WDR64: variants seen among roughly 807,000 people sequenced by gnomAD.
The protein encoded by WDR64 is WD repeat-containing protein 64.
A neutral mutation model predicts 139.3 loss-of-function variants in WDR64; 112 were observed. That is an observed-to-expected ratio of 0.80 (90% CI 0.69 to 0.94). The LOEUF (loss-of-function observed/expected upper bound fraction) is 0.94, where lower values mean the gene tolerates loss of function less well. Among genes scored for constraint, WDR64 ranks in the 40% least tolerant of loss-of-function variants. The probability of loss-of-function intolerance (pLI) is 0.00; values close to 1 mark genes in which losing one functional copy is unlikely to be tolerated. For missense variants in WDR64, 1,206 were observed against 1,293.1 expected (o/e 0.93, Z 1.03); for synonymous variants, 444 against 437.7 (o/e 1.01, Z -0.18).
In WDR64 at chr1:241,772,990, T is replaced by G. The variant is rs931021946; in HGVS notation, c.2430+59T>G. 6 of 1,496,134 alleles carry G rather than the reference T, an allele frequency of 4.0e-6. No homozygotes were observed. The African/African-American group carries it at 4.2e-5, about 11-fold the overall frequency. 92.7% of individuals were successfully genotyped at this position (1,496,134 alleles called of 1,614,324 possible). On this transcript the variant is annotated intron_variant, in intron 20 of 27. Transcript: ENST00000437684. ...GAATGGGAAAGATAAAAAGAATCAT[T>G]AAATGAATCTTAGTGTTCTTCCATA... is the stretch of plus-strand genomic sequence containing the variant.
chr1:241,708,557 G>A (rs1026249392), intron 8 of WDR64, among the ~76,000 whole-genome samples: 1 of 151,996 alleles, frequency 6.6e-6, no homozygotes, highest in Non-Finnish European at 1.5e-5. Context: ...CACATGATCC[G>A]CCCGCCTTGG....
chr1:241,726,178 G>A (rs1465483976), intron 10 of WDR64, among the ~76,000 whole-genome samples: 5 of 152,072 alleles, frequency 3.3e-5, no homozygotes, highest in Non-Finnish European at 7.4e-5. Flanking sequence ...CCTGAGCCAT[G>A]GCACTGGGCC....
intron 15 of WDR64, among the ~76,000 whole-genome samples, chr1:241,759,340 C>T (rs1670336659): frequency 6.6e-6 from 1 of 152,082 alleles, no homozygotes; most frequent in African/African-American, 2.4e-5. Context: ...GTTAAGTTTG[C>T]TTCATTTTTA....
At chr1:241,663,253 G>A (rs1207942199) in intron 2 of WDR64, among the ~76,000 whole-genome samples, 2 of 152,212 alleles carry the variant, frequency 1.3e-5, no homozygotes, top group African/African-American at 2.4e-5. Context: ...TTTAATCTCA[G>A]GCTCCTTGCT....
At chr1:241,652,655 C>G in intron 1 of WDR64, 26 bp downstream of exon 1, 1 of 1,549,364 alleles carries the variant, frequency 6.5e-7, no homozygotes, top group Non-Finnish European at 8.7e-7. Context: ...ACACGATAGT[C>G]CAATTGGGTC....
At chr1:241,663,632 A>C (rs1397358911) in intron 2 of WDR64, among the ~76,000 whole-genome samples, 1 of 152,246 alleles carries the variant, frequency 6.6e-6, no homozygotes, top group Non-Finnish European at 1.5e-5. Context: ...GCTTCCACAG[A>C]AAAAACTAGA....
chr1:241,733,518 T>C (rs1448393540), intron 10 of WDR64, among the ~76,000 whole-genome samples: 2 of 147,366 alleles, frequency 1.4e-5, no homozygotes, highest in African/African-American at 5.1e-5. Context: ...ATCATCATTA[T>C]TATTTTTACT....
intron 13 of WDR64, among the ~76,000 whole-genome samples, chr1:241,747,267 A>ACT (rs1201227624): frequency 2.6e-5 from 4 of 152,200 alleles, no homozygotes; most frequent in Non-Finnish European, 4.4e-5. Flanking sequence ...ATTGTGAAGA[A>ACT]CTAAACGCAT....
chr1:241,675,924 A>G (rs1465304203), intron 4 of WDR64, among the ~76,000 whole-genome samples: 3 of 152,212 alleles, frequency 2.0e-5, no homozygotes, highest in Non-Finnish European at 4.4e-5. Context: ...AATATACCCT[A>G]CATAATATTT....
chr1:241,788,608 G>A (rs151305169), intron 24 of WDR64, among the ~76,000 whole-genome samples: 10 of 152,216 alleles, frequency 6.6e-5, no homozygotes, highest in Non-Finnish European at 1.0e-4. Flanking sequence ...AGTCCTTCAG[G>A]GAAATCCCAA....
chr1:241,709,517 G>A (rs1009284640), intron 8 of WDR64, among the ~76,000 whole-genome samples: 3 of 152,146 alleles, frequency 2.0e-5, no homozygotes, highest in African/African-American at 7.2e-5. Flanking sequence ...GGGAGGTTGA[G>A]GCAGGAGGAT....
At chr1:241,722,457 A>G (rs1209951068) in intron 9 of WDR64, among the ~76,000 whole-genome samples, 1 of 152,202 alleles carries the variant, frequency 6.6e-6, no homozygotes, top group African/African-American at 2.4e-5. Flanking sequence ...AAGGAAAAAA[A>G]GACCACAGAA....
chr1:241,738,100 T>C (rs10754735), intron 10 of WDR64, among the ~76,000 whole-genome samples: 54,085 of 152,002 alleles, frequency 0.36, 9,848 homozygotes, highest in East Asian at 0.51. Context: ...CTATGTTCCT[T>C]CCCTATAATG....
Position 241,796,270 on chromosome 1 carries a change from C to G in WDR64, c.3092C>G (p.Thr1031Ser), listed in dbSNP as rs768318075. The part of the protein sequence containing the change: ...SLPIYSISSP[T>S]SLRFLPLIGV... ...TATGGCTTCCAGATATCAAGCCCCACTAGTCTAAGATTTCTTCCACTGATT... is the reference window on the plus strand; with the variant it reads ...TATGGCTTCCAGATATCAAGCCCCAGTAGTCTAAGATTTCTTCCACTGATT... The change falls in exon 27 of 28, where the codon ACT becomes AGT. Residue 1031 changes from threonine to serine, a missense_variant. By Grantham distance (58) the Thr-to-Ser change is moderately conservative. Coordinates refer to ENST00000437684, the MANE Select transcript of WDR64 (RefSeq NM_001367482.1). 3 of 1,612,528 alleles carry G rather than the reference C, an allele frequency of 1.9e-6. No homozygotes were observed. The highest frequency in any genetic ancestry group is 1.6e-4 in the Middle Eastern group (1 of 6,074).
intron 21 of WDR64, among the ~76,000 whole-genome samples, chr1:241,777,569 C>G (rs1480256334): frequency 6.9e-6 from 1 of 144,670 alleles, no homozygotes; most frequent in Non-Finnish European, 1.5e-5. Flanking sequence ...AGGCACCTGA[C>G]ACCACGGCCA....
intron 9 of WDR64, among the ~76,000 whole-genome samples, chr1:241,716,241 G>T (rs998164945): frequency 1.3e-5 from 2 of 150,502 alleles, no homozygotes; most frequent in African/African-American, 4.9e-5. Context: ...TGTGTTAAAT[G>T]TGCAGGGACA....
chr1:241,659,492 T>G (rs1288466794), intron 1 of WDR64, among the ~76,000 whole-genome samples: 2 of 152,170 alleles, frequency 1.3e-5, no homozygotes, highest in African/African-American at 4.8e-5. Context: ...CACACTGTCT[T>G]CCACAATCGT....
In WDR64 at chr1:241,745,710, C is replaced by T. The variant is rs370072707; in HGVS notation, c.1594+1194C>T. On this transcript the variant is annotated intron_variant, in intron 13 of 27. Transcript: ENST00000437684. The stretch of plus-strand genomic sequence containing the variant: ...AAGTGATCCTCCCTCCTTGGCCTCC[C>T]GAGTTGCTGGGATTACAGGAGTGAG... Among the ~76,000 whole-genome samples the T allele has an allele frequency of 2.0e-3, 298 of 152,220 alleles. 2 individuals carry two copies. Among genetic ancestry groups the T allele is most frequent in the African/African-American group, 6.7e-3 (277 of 41,532 alleles).
chr1:241,668,325 G>A (rs1447976380), intron 2 of WDR64, among the ~76,000 whole-genome samples: 1 of 150,846 alleles, frequency 6.6e-6, no homozygotes, highest in South Asian at 2.1e-4. Context: ...CTGGCCAATA[G>A]GGTGAAACCT....
Sources: allele counts gnomAD v4.1 joint callset (sites outside exome capture counted in the v4.1 genomes callset), GRCh38; gene constraint gnomAD v4.1.1; transcripts MANE v1.5; gene names NCBI Gene and HGNC (gene_info 2026-07-23, HGNC 2026-07-21).